Variants in ABCB4 observed in about 807,000 individuals in gnomAD.
ABCB4 encodes the protein ATP binding cassette subfamily B member 4.
ABCB4 carries 76 observed loss-of-function variants against 145.7 expected under a neutral mutation model. The observed-to-expected ratio is 0.52, with a 90% confidence interval of 0.43 to 0.63. ABCB4 has a LOEUF of 0.63. ABCB4 is among the 30% of genes least tolerant of loss of function. The pLI is 0.00. For missense variants in ABCB4, 1,234 were observed against 1,553.1 expected (o/e 0.79, Z 3.45); for synonymous variants, 517 against 566.8 (o/e 0.91, Z 1.25).
Position 87,443,377 on chromosome 7 carries a change from C to T in ABCB4, c.1298G>A (p.Cys433Tyr). The change falls in exon 12 of 28, where the codon TGT (cysteine) becomes TAT (tyrosine). Residue 433 changes from cysteine to tyrosine, a missense_variant. By Grantham distance (194) the Cys-to-Tyr change is radical. Transcript: ENST00000649586. ...QTVALVGSSGCGKSTTVQLIQ... is the reference protein window; with the variant it reads ...QTVALVGSSGYGKSTTVQLIQ... ...CAGCTGGACCGTTGTGCTCTTCCCA[C>T]AGCCACTACTTCCAACCAGGGCCAC... 6.2e-7 allele frequency: 1 copy of T among 1,614,130 alleles called. No homozygotes were observed. Among genetic ancestry groups the T allele is most frequent in the Non-Finnish European group, 8.5e-7 (1 of 1,180,012 alleles).
chr7:87,454,195 T>C (rs1417013599), intron 5 of ABCB4, among the ~76,000 whole-genome samples: 1 of 152,166 alleles, frequency 6.6e-6, no homozygotes, highest in Non-Finnish European at 1.5e-5. Flanking sequence ...GAGATTTCTA[T>C]TGAGAAACTA....
chr7:87,449,434 T>A (rs1811558196), intron 8 of ABCB4, among the ~76,000 whole-genome samples: 2 of 152,072 alleles, frequency 1.3e-5, no homozygotes, highest in Non-Finnish European at 2.9e-5. Context: ...TTATTTATTT[T>A]TTGGTTTTTA....
At chr7:87,461,131 G>C (rs1447939689) in intron 4 of ABCB4, among the ~76,000 whole-genome samples, 2 of 152,042 alleles carry the variant, frequency 1.3e-5, no homozygotes, top group African/African-American at 4.8e-5. Flanking sequence ...TTTTAGTAGA[G>C]ATGGGGTTTC....
chr7:87,454,648 G>A, intron 4 of ABCB4, 56 bp from the exon 5 acceptor site: 1 of 1,268,518 alleles, frequency 7.9e-7, no homozygotes, highest in South Asian at 1.3e-5. Context: ...AATAGGCATT[G>A]CCAGGTTTTT....
chr7:87,452,378 CTTTTTTTTTTT>C (rs528084596), intron 6 of ABCB4: 9 of 134,492 alleles, frequency 6.7e-5, no homozygotes, highest in African/African-American at 2.5e-4. Flanking sequence ...TTGCTTTTCC[CTTTTTTTTTTT>C]TTTTTTTTTG....
chr7:87,377,213 A>G, the ABCB4 span: 1 of 551,708 alleles, frequency 1.8e-6, no homozygotes, highest in African/African-American at 1.9e-5. Flanking sequence ...AGTGTTGCTG[A>G]TCATAACTAT....
intron 26 of ABCB4, among the ~76,000 whole-genome samples, chr7:87,404,366 A>G (rs539989685): frequency 3.3e-5 from 5 of 152,338 alleles, no homozygotes; most frequent in Admixed American, 3.3e-4. Context: ...AAAGTGAACT[A>G]AAAATGGATC....
chr7:87,428,509 A>C (rs1809988799), intron 15 of ABCB4, among the ~76,000 whole-genome samples: 1 of 152,232 alleles, frequency 6.6e-6, no homozygotes, highest in Non-Finnish European at 1.5e-5. Flanking sequence ...AAAAACTGAC[A>C]ACCTAATTAC....
intron 26 of ABCB4, among the ~76,000 whole-genome samples, chr7:87,405,074 T>C (rs1808082526): frequency 6.6e-6 from 1 of 152,210 alleles, no homozygotes; most frequent in Non-Finnish European, 1.5e-5. Context: ...TACAAGTATT[T>C]ACAGCAGCTT....
chr7:87,440,529 T>G (rs1810911584), intron 12 of ABCB4, 127 bp from the exon 13 acceptor site: 1 of 751,900 alleles, frequency 1.3e-6, no homozygotes, highest in South Asian at 1.9e-5. Context: ...TAATTAGAAA[T>G]AAACAGCAAT....
At chr7:87,405,162 CTG>C (rs1279666520) in intron 26 of ABCB4, among the ~76,000 whole-genome samples, 2 of 152,200 alleles carry the variant, frequency 1.3e-5, no homozygotes, top group East Asian at 3.8e-4. Context: ...TACATCCACA[CTG>C]TGGAATATCA....
intron 26 of ABCB4, among the ~76,000 whole-genome samples, chr7:87,404,430 G>T (rs1399986702): frequency 6.6e-6 from 1 of 152,080 alleles, no homozygotes; most frequent in African/African-American, 2.4e-5. Context: ...AAAACATGGA[G>T]AAAATATTTT....
chr7:87,475,843 A>G (rs2071646), upstream of ABCB4: 36,472 of 155,086 alleles, frequency 0.24, 4,647 homozygotes, highest in Admixed American at 0.32. Flanking sequence ...TCCCCAGGCT[A>G]GGCGCGGGCC....
the ABCB4 span, among the ~76,000 whole-genome samples, chr7:87,395,554 T>C: frequency 1.3e-5 from 2 of 152,342 alleles, no homozygotes; most frequent in African/African-American, 2.4e-5. Context: ...TGATCAGGAC[T>C]GCCTTTGTCT....
intron 4 of ABCB4, among the ~76,000 whole-genome samples, chr7:87,458,077 T>A (rs1391311519): frequency 6.6e-6 from 1 of 152,202 alleles, no homozygotes; most frequent in East Asian, 1.9e-4. Flanking sequence ...CTAGGCACTA[T>A]GGACAGTTAT....
the ABCB4 span, chr7:87,369,830 TATA>T: frequency 6.7e-6 from 1 of 148,782 alleles, no homozygotes; most frequent in African/African-American, 2.4e-5. Flanking sequence ...ATATATAATA[TATA>T]ATATGTATTA....
At chr7:87,463,422 A>G (rs1250135273) in intron 3 of ABCB4, among the ~76,000 whole-genome samples, 1 of 152,206 alleles carries the variant, frequency 6.6e-6, no homozygotes. Context: ...CACAATAAAC[A>G]TTACAGTGTG....
rs375626805 is a variant in ABCB4, at chr7:87,443,645, A to T, written c.1230+18T>A. On this transcript the variant is annotated intron_variant, in intron 11 of 27. Coordinates refer to ENST00000649586, the MANE Select transcript of ABCB4 (RefSeq NM_000443.4). Reference sequence around the variant, plus strand: ...ATCAACCTCAGTTAGGAATTCCTATAAATATTACTTACAGTACCTTGACGT... The same window carrying T: ...ATCAACCTCAGTTAGGAATTCCTATTAATATTACTTACAGTACCTTGACGT... 6.2e-6 allele frequency: 10 copies of T among 1,601,434 alleles called. No homozygotes were observed. The East Asian group carries it at 2.2e-4, about 36-fold the overall frequency.
the ABCB4 span, among the ~76,000 whole-genome samples, chr7:87,366,040 C>A: frequency 6.6e-6 from 1 of 152,178 alleles, no homozygotes; most frequent in Non-Finnish European, 1.5e-5. Flanking sequence ...GCTGGATTCA[C>A]GGATTTGTGC....
Sources: gnomAD v4.1 joint callset for allele counts (sites outside exome capture counted in the v4.1 genomes callset) on GRCh38, gnomAD v4.1.1 for gene constraint, MANE v1.5 for transcripts, NCBI Gene and HGNC (gene_info 2026-07-23, HGNC 2026-07-21) for gene names.